The following AGMO variants were observed in gnomAD, a reference collection of about 807,000 sequenced individuals.
AGMO encodes the protein glyceryl-ether monooxygenase.
AGMO carries 75 observed loss-of-function variants against 60.2 expected under a neutral mutation model. That is an observed-to-expected ratio of 1.25 (90% CI 1.03 to 1.51). The LOEUF (loss-of-function observed/expected upper bound fraction) is 1.51. AGMO is among the 40% of genes most tolerant of loss of function. The pLI, the probability that AGMO is intolerant of heterozygous loss-of-function variation, is 0.00. For synonymous variants in AGMO, 261 were observed against 177.1 expected, an observed-to-expected ratio of 1.47 and a Z score of -3.76; for missense variants, 763 against 525.5, an observed-to-expected ratio of 1.45 and a Z score of -4.42.
chr7:15,483,401 C>CTTG (rs1782814701), intron 3 of AGMO, among the ~76,000 whole-genome samples: 1 of 119,582 alleles, frequency 8.4e-6, no homozygotes, highest in South Asian at 2.7e-4. Flanking sequence ...CCCGTCTCTA[C>CTTG]TAAAAATACA....
chr7:15,487,538 G>C (rs765646853), intron 3 of AGMO, among the ~76,000 whole-genome samples: 18 of 152,004 alleles, frequency 1.2e-4, no homozygotes, highest in Non-Finnish European at 2.2e-4. Context: ...ATCATGTTTT[G>C]TTTAGGCAAA....
chr7:15,160,475 G>C, the AGMO span, among the ~76,000 whole-genome samples: 1 of 151,922 alleles, frequency 6.6e-6, no homozygotes, highest in Admixed American at 6.6e-5. Flanking sequence ...TGTATTATCT[G>C]GGTCTATCTG....
intron 3 of AGMO, among the ~76,000 whole-genome samples, chr7:15,451,544 G>T (rs1781855844): frequency 6.6e-6 from 1 of 152,062 alleles, no homozygotes; most frequent in Admixed American, 6.6e-5. Flanking sequence ...TTACATGGTG[G>T]ACGAGCAGAC....
chr7:15,207,466 C>T (rs904613062), intron 12 of AGMO, among the ~76,000 whole-genome samples: 1 of 152,148 alleles, frequency 6.6e-6, no homozygotes, highest in Non-Finnish European at 1.5e-5. Context: ...TAGATTCTTG[C>T]CTTTCCTTAT....
chr7:15,279,144 A>C (rs545480856), intron 12 of AGMO, among the ~76,000 whole-genome samples: 2 of 152,200 alleles, frequency 1.3e-5, no homozygotes, highest in East Asian at 1.9e-4. Flanking sequence ...CTGCAGACCC[A>C]GGTTTGGGGG....
chr7:15,430,630 TAAA>T (rs1165399598), intron 4 of AGMO, among the ~76,000 whole-genome samples: 16 of 104,754 alleles, frequency 1.5e-4, no homozygotes, highest in African/African-American at 5.2e-4. Flanking sequence ...TGGTTTTTTT[TAAA>T]AAAAAAAAAA....
the AGMO span, among the ~76,000 whole-genome samples, chr7:15,143,076 T>C: frequency 6.6e-6 from 1 of 152,200 alleles, no homozygotes; most frequent in Non-Finnish European, 1.5e-5. Flanking sequence ...ATTAGGTTTT[T>C]GATTTATTAT....
chr7:15,121,864 C>T, the AGMO span, among the ~76,000 whole-genome samples: 16 of 151,908 alleles, frequency 1.1e-4, no homozygotes, highest in Admixed American at 2.6e-4. Flanking sequence ...TAGCCACATG[C>T]AAAAAACTGA....
chr7:15,334,441 G>A (rs1427953787), intron 12 of AGMO, among the ~76,000 whole-genome samples: 1 of 151,912 alleles, frequency 6.6e-6, no homozygotes, highest in East Asian at 1.9e-4. Flanking sequence ...TGATATCAAA[G>A]TGACTAAAAC....
chr7:15,223,252 C>G (rs920684106), intron 12 of AGMO, among the ~76,000 whole-genome samples: 1 of 151,820 alleles, frequency 6.6e-6, no homozygotes, highest in East Asian at 1.9e-4. Flanking sequence ...ATCATTATTG[C>G]TGTTCAATTT....
chr7:15,531,679 C>T (rs1207167074), intron 3 of AGMO, among the ~76,000 whole-genome samples: 1 of 140,046 alleles, frequency 7.1e-6, no homozygotes, highest in African/African-American at 2.7e-5. Context: ...TAGAGGGAGT[C>T]TCACTCTATT....
chr7:15,229,713 T>TA, intron 12 of AGMO, among the ~76,000 whole-genome samples: 1 of 124,654 alleles, frequency 8.0e-6, no homozygotes, highest in East Asian at 2.0e-4. Flanking sequence ...TATATATATA[T>TA]TATATTATAT....
rs945485886 is a variant in AGMO, at chr7:15,545,050, G to T, written c.258-127C>A. The T allele has an allele frequency of 1.9e-5, 12 of 636,318 alleles. No homozygotes were observed. The African/African-American group carries it at 1.9e-4, about 10-fold the overall frequency. The allele number at this position is 636,318 out of a possible 1,614,324, so 39.4% of individuals were successfully genotyped here. ...AAAATGAAACTCTTTCTTCTACTTT[G>T]TGTCTTCTATGTCATTCCTTTTAAA... is the stretch of plus-strand genomic sequence containing the variant. On this transcript the variant is annotated intron_variant, in intron 2 of 12. Transcript: ENST00000342526.
intron 3 of AGMO, among the ~76,000 whole-genome samples, chr7:15,526,181 G>T (rs1338174735): frequency 6.6e-6 from 1 of 152,178 alleles, no homozygotes; most frequent in African/African-American, 2.4e-5. Flanking sequence ...TGGGAGCAAG[G>T]CCTGGGCAGG....
chr7:15,547,525 G>T (rs1166429747), intron 2 of AGMO, among the ~76,000 whole-genome samples: 1 of 152,182 alleles, frequency 6.6e-6, no homozygotes. Flanking sequence ...GGGTCAGGGA[G>T]TTCCCTTTCC....
chr7:15,245,593 G>A (rs1212967623), intron 12 of AGMO, among the ~76,000 whole-genome samples: 3 of 151,900 alleles, frequency 2.0e-5, no homozygotes, highest in Non-Finnish European at 4.4e-5. Flanking sequence ...AATATTCCAA[G>A]ACTACCATCA....
intron 12 of AGMO, among the ~76,000 whole-genome samples, chr7:15,275,355 T>C (rs1171992936): frequency 6.6e-6 from 1 of 152,164 alleles, no homozygotes; most frequent in Non-Finnish European, 1.5e-5. Context: ...TTTTAAGAGT[T>C]CATACTGGTA....
At chr7:15,362,285 G>A (rs1312524287) in intron 12 of AGMO, among the ~76,000 whole-genome samples, 1 of 152,072 alleles carries the variant, frequency 6.6e-6, no homozygotes, top group Non-Finnish European at 1.5e-5. Context: ...TTTTTACCAT[G>A]TTTAGCTTTA....
chr7:15,214,729 T>G (rs1311103924), intron 12 of AGMO, among the ~76,000 whole-genome samples: 1 of 152,060 alleles, frequency 6.6e-6, no homozygotes, highest in East Asian at 1.9e-4. Context: ...TTTTAAAGGA[T>G]GTGGTTGCTT....
Sources: gnomAD v4.1 joint callset for allele counts (sites outside exome capture counted in the v4.1 genomes callset) on GRCh38, gnomAD v4.1.1 for gene constraint, MANE v1.5 for transcripts, NCBI Gene and HGNC (gene_info 2026-07-23, HGNC 2026-07-21) for gene names.